The following COBL variants were observed in gnomAD, a reference collection of about 807,000 sequenced individuals.
COBL encodes cordon-bleu WH2 repeat protein.
In COBL, 51 loss-of-function variants were observed where a neutral mutation model predicts 98.8. The ratio of observed to expected loss-of-function variants is 0.52; its 90% CI spans 0.41 to 0.65. The LOEUF (loss-of-function observed/expected upper bound fraction) is 0.65, where lower values mean the gene tolerates loss of function less well. Among genes scored for constraint, COBL ranks in the 30% least tolerant of loss-of-function variants. COBL has a pLI of 0.00. For synonymous variants in COBL, 634 were observed against 651.7 expected (o/e 0.97, Z 0.41); for missense variants, 1,617 against 1,617.5 (o/e 1.00, Z 0.01).
intron 5 of COBL, among the ~76,000 whole-genome samples, chr7:51,147,793 C>T (rs1490552524): frequency 1.3e-5 from 2 of 151,400 alleles, no homozygotes; most frequent in East Asian, 3.9e-4. Flanking sequence ...CTCTGTCATC[C>T]AGGCTGGAGT....
At chr7:51,307,879 T>C (rs1563151431) in intron 1 of COBL, among the ~76,000 whole-genome samples, 2 of 152,164 alleles carry the variant, frequency 1.3e-5, no homozygotes, top group Admixed American at 1.3e-4. Context: ...TTAAATCCAA[T>C]TGGGTGGCTT....
At chr7:51,253,667 T>C (rs893273293) in intron 1 of COBL, among the ~76,000 whole-genome samples, 6 of 152,260 alleles carry the variant, frequency 3.9e-5, no homozygotes, top group Non-Finnish European at 8.8e-5. Context: ...TTATTTTTTG[T>C]ACCACCTACA....
intron 7 of COBL, among the ~76,000 whole-genome samples, chr7:51,077,827 A>C (rs941932666): frequency 1.1e-4 from 17 of 152,214 alleles, no homozygotes; most frequent in African/African-American, 4.1e-4. Flanking sequence ...TGAAGTGGCC[A>C]GTTCTGCACT....
intron 1 of COBL, among the ~76,000 whole-genome samples, chr7:51,303,443 T>C (rs865934139): frequency 2.0e-5 from 3 of 152,072 alleles, no homozygotes; most frequent in African/African-American, 7.2e-5. Flanking sequence ...TGACCATGCA[T>C]GCAGAGACGG....
chr7:51,173,544 C>T (rs934684303), intron 5 of COBL, among the ~76,000 whole-genome samples: 1 of 152,114 alleles, frequency 6.6e-6, no homozygotes, highest in African/African-American at 2.4e-5. Flanking sequence ...AAAAATTTCA[C>T]CAAATATCTC....
intron 6 of COBL, among the ~76,000 whole-genome samples, chr7:51,134,574 A>C (rs1342380228): frequency 6.6e-6 from 1 of 152,220 alleles, no homozygotes; most frequent in East Asian, 1.9e-4. Flanking sequence ...TATCGCATTA[A>C]CAAAATACAA....
Position 51,026,132 on chromosome 7 carries a change from T to C in COBL, c.3504+414A>G, listed in dbSNP as rs898643005. On this transcript the variant is annotated intron_variant, in intron 11 of 12. Coordinates refer to ENST00000265136, the MANE Select transcript of COBL (RefSeq NM_015198.5). Reference sequence around the variant, plus strand: ...CCATTCTGCCCTAAACTCGAGTCCATACTGGCTCCCAAGGATGTGCAAAAA... The same window carrying C: ...CCATTCTGCCCTAAACTCGAGTCCACACTGGCTCCCAAGGATGTGCAAAAA... 2.5e-4 allele frequency among the ~76,000 whole-genome samples: 38 copies of C among 152,226 alleles called. 1 individual carries two copies. Among genetic ancestry groups the C allele is most frequent in the African/African-American group, 8.4e-4 (35 of 41,458 alleles).
At chr7:51,230,877 T>C (rs1794677192) in intron 1 of COBL, among the ~76,000 whole-genome samples, 1 of 152,134 alleles carries the variant, frequency 6.6e-6, no homozygotes, top group Non-Finnish European at 1.5e-5. Context: ...TCACCAGCCT[T>C]CAGTGAGTGA....
chr7:51,055,672 C>T (rs140316530), intron 7 of COBL, among the ~76,000 whole-genome samples: 1 of 152,294 alleles, frequency 6.6e-6, no homozygotes, highest in Non-Finnish European at 1.5e-5. Context: ...TTGCTGCTGC[C>T]GGCCGGCCGG....
intron 5 of COBL, 145 bp downstream of exon 5, chr7:51,183,957 T>C (rs933059034): frequency 9.2e-5 from 41 of 444,860 alleles, no homozygotes; most frequent in African/African-American, 8.1e-4. Context: ...TTCCAGTGCA[T>C]ACTAATAAGC....
At chr7:51,031,983 T>C (rs1023890281) in intron 8 of COBL, 6 of 152,294 alleles carry the variant, frequency 3.9e-5, no homozygotes, top group African/African-American at 1.4e-4. Context: ...CCTGTCTGCA[T>C]GCCTTTGTGC....
chr7:51,216,274 A>C (rs1793037028), intron 2 of COBL, among the ~76,000 whole-genome samples: 1 of 152,178 alleles, frequency 6.6e-6, no homozygotes, highest in Non-Finnish European at 1.5e-5. Flanking sequence ...TCTGCCTCCC[A>C]GGTTCAAGTG....
At chr7:51,177,565 G>A (rs1788490624) in intron 5 of COBL, among the ~76,000 whole-genome samples, 1 of 151,876 alleles carries the variant, frequency 6.6e-6, no homozygotes, top group Non-Finnish European at 1.5e-5. Flanking sequence ...CCTGAGGTCA[G>A]GAGTTCGAGA....
Position 51,028,704 on chromosome 7 carries a change from T to A in COBL, c.2392A>T (p.Thr798Ser), listed in dbSNP as rs1392406269. 1 of 1,613,702 alleles carries A rather than the reference T, an allele frequency of 6.2e-7. No homozygotes were observed. Among genetic ancestry groups the A allele is most frequent in the East Asian group, 2.2e-5 (1 of 44,860 alleles). ...ARGPPSTPVP[T>S]QTQNPESRLQ... ...CTGCTCTCTGGATTCTGCGTCTGCG[T>A]GGGCACAGGGGTGGAGGGGGGTCCC... The change falls in exon 10 of 13, where the codon ACG (threonine) becomes TCG (serine). Residue 798 changes from threonine to serine, a missense_variant. By Grantham distance (58) the Thr-to-Ser change is moderately conservative (BLOSUM62 1). Transcript: ENST00000265136.
chr7:51,188,049 G>A lies in COBL; in HGVS notation c.685+2801C>T, dbSNP rs1040406602. The stretch of plus-strand genomic sequence containing the variant: ...GCCTTGGCCCTCACAAGCCTCAGAG[G>A]GGGGCTGTCCTGCTGCAGCAGTGAG... On this transcript the variant is annotated intron_variant, in intron 4 of 12. Transcript: ENST00000265136. 2.8e-5 allele frequency: 29 copies of A among 1,053,230 alleles called. 1 individual carries two copies. In the South Asian group the frequency reaches 1.3e-3, roughly 47 times the overall value. The allele number at this position is 1,053,230 out of a possible 1,614,324, so 65.2% of individuals were successfully genotyped here. A position where few individuals can be genotyped will look rare whatever the true frequency, so the allele number is the denominator to read the frequency against.
chr7:51,152,532 AAAGC>A (rs1417554899), intron 5 of COBL, among the ~76,000 whole-genome samples: 1 of 152,208 alleles, frequency 6.6e-6, no homozygotes, highest in Non-Finnish European at 1.5e-5. Flanking sequence ...TGTCAGACCT[AAAGC>A]AAGAGAAAAA....
chr7:51,086,473 C>T (rs1426542391), intron 6 of COBL, among the ~76,000 whole-genome samples: 2 of 151,892 alleles, frequency 1.3e-5, no homozygotes, highest in East Asian at 3.9e-4. Context: ...CAAGTACTTC[C>T]TGGCCTTCCA....
chr7:51,114,596 C>T (rs1411889987), intron 6 of COBL, among the ~76,000 whole-genome samples: 5 of 152,074 alleles, frequency 3.3e-5, no homozygotes, highest in African/African-American at 1.2e-4. Context: ...ATGTATCTGC[C>T]ATTCTCTGTC....
intron 6 of COBL, among the ~76,000 whole-genome samples, chr7:51,134,746 A>G (rs974154749): frequency 6.6e-6 from 1 of 152,196 alleles, no homozygotes; most frequent in Non-Finnish European, 1.5e-5. Flanking sequence ...ATTATAAAAA[A>G]GTTCAGAATC....
Sources: gnomAD v4.1 joint callset for allele counts (sites outside exome capture counted in the v4.1 genomes callset) on GRCh38, gnomAD v4.1.1 for gene constraint, MANE v1.5 for transcripts, NCBI Gene and HGNC (gene_info 2026-07-23, HGNC 2026-07-21) for gene names.